Variants in DPP10 observed in about 807,000 individuals in gnomAD.
DPP10 encodes dipeptidyl peptidase like 10, also known as inactive dipeptidyl peptidase 10.
A neutral mutation model predicts 120.9 loss-of-function variants in DPP10; 33 were observed. The observed-to-expected ratio is 0.27, with a 90% confidence interval of 0.21 to 0.37. DPP10 has a LOEUF of 0.37. Ranked by LOEUF, DPP10 falls within the 10% of genes least tolerant of loss-of-function variation. The pLI is 1.00. For missense variants in DPP10, 816 were observed against 942.8 expected (o/e 0.87, Z 1.76); for synonymous variants, 337 against 326.1 (o/e 1.03, Z -0.36).
At chr2:115,004,309 G>T (rs1403160494) in intron 1 of DPP10, among the ~76,000 whole-genome samples, 1 of 152,096 alleles carries the variant, frequency 6.6e-6, no homozygotes, top group African/African-American at 2.4e-5. Flanking sequence ...ATAGCTAGAA[G>T]AAAATAATTT....
At chr2:114,751,372 C>T (rs1037171715) in intron 1 of DPP10, among the ~76,000 whole-genome samples, 2 of 152,184 alleles carry the variant, frequency 1.3e-5, no homozygotes, top group Non-Finnish European at 2.9e-5. Context: ...CTTATTCACA[C>T]CCCAGCCACA....
chr2:114,588,594 A>G (rs1304377680), intron 1 of DPP10, among the ~76,000 whole-genome samples: 2 of 152,246 alleles, frequency 1.3e-5, no homozygotes, highest in Non-Finnish European at 2.9e-5. Flanking sequence ...TATATGTTAT[A>G]TGTATGACAT....
chr2:115,820,988 T>C (rs1687762410), intron 21 of DPP10, among the ~76,000 whole-genome samples: 1 of 152,208 alleles, frequency 6.6e-6, no homozygotes, highest in African/African-American at 2.4e-5. Context: ...TACCCAATAG[T>C]GGGATTGCTA....
chr2:115,715,199 C>T (rs1276358220), intron 7 of DPP10, among the ~76,000 whole-genome samples: 4 of 151,252 alleles, frequency 2.6e-5, no homozygotes, highest in Non-Finnish European at 4.4e-5. Context: ...ATTAGCTGGG[C>T]GTGGTGGCAC....
At chr2:114,446,510 G>A (rs78175074) in intron 1 of DPP10, among the ~76,000 whole-genome samples, 462 of 152,088 alleles carry the variant, frequency 3.0e-3, no homozygotes, top group African/African-American at 0.01. Flanking sequence ...TGTAGTGACC[G>A]GTCTTCCTCT....
chr2:114,605,784 C>T (rs944675876), intron 1 of DPP10, among the ~76,000 whole-genome samples: 1 of 152,062 alleles, frequency 6.6e-6, no homozygotes, highest in African/African-American at 2.4e-5. Flanking sequence ...AGAATGAATA[C>T]ATTAAGGAAT....
intron 1 of DPP10, among the ~76,000 whole-genome samples, chr2:114,791,900 A>G (rs1197911442): frequency 6.6e-6 from 1 of 152,212 alleles, no homozygotes; most frequent in Non-Finnish European, 1.5e-5. Context: ...ATATATCTGT[A>G]TATTCTAAAT....
chr2:114,574,430 G>A (rs1437105837), intron 1 of DPP10, among the ~76,000 whole-genome samples: 5 of 152,178 alleles, frequency 3.3e-5, no homozygotes, highest in Admixed American at 2.0e-4. Context: ...GAAGCTAATG[G>A]CTGACTTGAT....
chr2:115,558,464 C>T (rs958517962), intron 5 of DPP10, among the ~76,000 whole-genome samples: 1 of 152,020 alleles, frequency 6.6e-6, no homozygotes, highest in Non-Finnish European at 1.5e-5. Flanking sequence ...TACATTTCAG[C>T]GTTTGCTAAA....
At chr2:114,683,032 C>T (rs1220605158) in intron 1 of DPP10, among the ~76,000 whole-genome samples, 2 of 151,926 alleles carry the variant, frequency 1.3e-5, no homozygotes, top group African/African-American at 2.4e-5. Context: ...TTGCTAATCA[C>T]TATAGGAGCA....
intron 1 of DPP10, among the ~76,000 whole-genome samples, chr2:115,172,938 T>TA (rs1312527234): frequency 6.6e-6 from 1 of 152,198 alleles, no homozygotes; most frequent in Non-Finnish European, 1.5e-5. Context: ...GCAGATTATA[T>TA]AGAGTCCTCC....
At chr2:115,107,782 C>T (rs1029496497) in intron 1 of DPP10, among the ~76,000 whole-genome samples, 3 of 151,906 alleles carry the variant, frequency 2.0e-5, no homozygotes, top group South Asian at 2.1e-4. Flanking sequence ...ATTACAATTT[C>T]GAAAGACTTA....
intron 1 of DPP10, among the ~76,000 whole-genome samples, chr2:114,942,089 C>G (rs1487913606): frequency 6.6e-6 from 1 of 150,868 alleles, no homozygotes; most frequent in Non-Finnish European, 1.5e-5. Context: ...CTGGGTAACA[C>G]GGTAAAACCC....
chr2:114,478,635 A>G (rs992645885), intron 1 of DPP10, among the ~76,000 whole-genome samples: 4 of 152,144 alleles, frequency 2.6e-5, no homozygotes, highest in African/African-American at 9.6e-5. Context: ...CAAATTGTAA[A>G]GAAAATTATC....
At chr2:114,809,817 C>G (rs2106317616) in intron 1 of DPP10, among the ~76,000 whole-genome samples, 1 of 152,222 alleles carries the variant, frequency 6.6e-6, no homozygotes, top group African/African-American at 2.4e-5. Flanking sequence ...TAACAAATCC[C>G]CAGGTGATGC....
rs116030335 is a variant in DPP10 at position 115,471,180 on chromosome 2, C to T, written c.272-28330C>T. On this transcript the variant is annotated intron_variant, in intron 3 of 25. Transcript: ENST00000410059. ...ATTAAGCATATACACGGTTTGGAGG[C>T]TTATTGGCTTAATAGGTTCAATTCA... 8.1e-3 allele frequency among the ~76,000 whole-genome samples: 1,229 copies of T among 152,228 alleles called. 16 individuals are homozygous for T. The highest frequency in any genetic ancestry group is 0.029 in the African/African-American group (1,190 of 41,538).
intron 9 of DPP10, 54 bp from the exon 10 acceptor site, chr2:115,746,032 C>A: frequency 1.6e-6 from 2 of 1,256,098 alleles, no homozygotes; most frequent in South Asian, 1.5e-5. Flanking sequence ...TCTTTTTTAC[C>A]CAATATATTC....
intron 21 of DPP10, among the ~76,000 whole-genome samples, chr2:115,830,504 T>C (rs983725489): frequency 2.0e-5 from 3 of 152,180 alleles, no homozygotes; most frequent in African/African-American, 4.8e-5. Context: ...ATGTACACTA[T>C]GTGCCCAGCA....
At chr2:115,059,754 A>G (rs1372885316) in intron 1 of DPP10, among the ~76,000 whole-genome samples, 4 of 149,948 alleles carry the variant, frequency 2.7e-5, no homozygotes, top group Admixed American at 2.7e-4. Flanking sequence ...AGGAGCCAGG[A>G]GATAAAAACA....
Sources: allele counts gnomAD v4.1 joint callset (sites outside exome capture counted in the v4.1 genomes callset), GRCh38; gene constraint gnomAD v4.1.1; transcripts MANE v1.5; gene names NCBI Gene and HGNC (gene_info 2026-07-23, HGNC 2026-07-21).